Variants in MBD5 observed in about 807,000 individuals in gnomAD.
MBD5 encodes methyl-CpG-binding domain protein 5.
A neutral mutation model predicts 117.3 loss-of-function variants in MBD5; 13 were observed. The observed-to-expected ratio is 0.11, with a 90% CI of 0.07 to 0.18. The LOEUF is 0.18. Ranked by LOEUF, MBD5 falls within the 10% of genes least tolerant of loss-of-function variation. MBD5 has a pLI of 1.00. For missense variants in MBD5, 1,879 were observed against 2,093.8 expected, an observed-to-expected ratio of 0.90 and a Z score of 2.00; for synonymous variants, 727 against 766.4, an observed-to-expected ratio of 0.95 and a Z score of 0.85.
chr2:148,214,900 A>G (rs1699514237), intron 2 of MBD5, among the ~76,000 whole-genome samples: 2 of 152,112 alleles, frequency 1.3e-5, no homozygotes, highest in Admixed American at 1.3e-4. Flanking sequence ...TTAAGAAGTT[A>G]TAATAGCACA....
chr2:148,188,751 G>C (rs992893423), intron 2 of MBD5, among the ~76,000 whole-genome samples: 1 of 151,786 alleles, frequency 6.6e-6, no homozygotes, highest in Admixed American at 6.6e-5. Context: ...GAACAGGGAG[G>C]AGCCAAGATG....
At chr2:148,392,536 G>A (rs891082958) in intron 4 of MBD5, among the ~76,000 whole-genome samples, 2 of 152,162 alleles carry the variant, frequency 1.3e-5, no homozygotes, top group Admixed American at 1.3e-4. Flanking sequence ...GTACACCATA[G>A]CCTGAGTAAG....
At chr2:148,157,501 G>GT (rs1202090248) in intron 1 of MBD5, among the ~76,000 whole-genome samples, 1 of 152,230 alleles carries the variant, frequency 6.6e-6, no homozygotes, top group Admixed American at 6.5e-5. Flanking sequence ...ACCTTGAGCA[G>GT]TGTCTCTCAT....
intron 1 of MBD5, among the ~76,000 whole-genome samples, chr2:148,175,005 T>G (rs1218735457): frequency 2.0e-5 from 3 of 152,182 alleles, no homozygotes; most frequent in Admixed American, 1.3e-4. Context: ...TTCCATGTTC[T>G]CTGCAGAGCT....
In MBD5 at chr2:148,431,943, C is replaced by G. The variant is rs1706000683; in HGVS notation, c.-556-26260C>G. ...TGGAATGGTAATTCTTTTTTAAGCT[C>G]TTTGAGAAATCACCAAACTGCTTTC... On this transcript the variant is annotated intron_variant, in intron 4 of 13. Coordinates refer to ENST00000642680, the MANE Select transcript of MBD5 (RefSeq NM_001378120.1). Among the ~76,000 whole-genome samples, 8 of 152,122 alleles carry G rather than the reference C, an allele frequency of 5.3e-5. No individual in the cohort carries two copies. The South Asian group carries it at 1.7e-3, about 32-fold the overall frequency.
chr2:148,370,257 A>C (rs1177932798), intron 4 of MBD5, among the ~76,000 whole-genome samples: 1 of 152,126 alleles, frequency 6.6e-6, no homozygotes, highest in Non-Finnish European at 1.5e-5. Flanking sequence ...TGCCTGCATC[A>C]TGGTTTTTAA....
intron 1 of MBD5, among the ~76,000 whole-genome samples, chr2:148,098,811 G>A (rs1415969042): frequency 6.6e-6 from 1 of 152,130 alleles, no homozygotes; most frequent in African/African-American, 2.4e-5. Flanking sequence ...AGTGCTTTGG[G>A]AGGTGGAGAC....
rs137863555 is a variant in MBD5, at chr2:148,043,452, CAAATAAAT to C, written c.-925+21796_-925+21803del. Reference sequence around the variant, plus strand: ...TGGGCGACAGAGCGAGACTCCTTCTCAAATAAATAAATAAATAAATAAATAAATAAATA... The same window carrying C: ...TGGGCGACAGAGCGAGACTCCTTCTCAAATAAATAAATAAATAAATAAATA... On this transcript the variant is annotated intron_variant, in intron 1 of 13. Transcript: ENST00000642680. 3.9e-4 allele frequency among the ~76,000 whole-genome samples: 56 copies of C among 142,900 alleles called. No individual in the cohort carries two copies. The Middle Eastern group carries it at 0.011, about 27-fold the overall frequency. 93.7% of individuals were successfully genotyped at this position (142,900 alleles called of 152,430 possible).
At chr2:148,159,771 C>G (rs1270536214) in intron 1 of MBD5, among the ~76,000 whole-genome samples, 1 of 152,138 alleles carries the variant, frequency 6.6e-6, no homozygotes, top group East Asian at 1.9e-4. Context: ...TTTGCAGGTA[C>G]TAACCCTTTC....
chr2:148,068,244 A>G (rs1391392232), intron 1 of MBD5, among the ~76,000 whole-genome samples: 3 of 152,198 alleles, frequency 2.0e-5, no homozygotes, highest in African/African-American at 7.2e-5. Context: ...GAACCACTAC[A>G]TGGAACCTGC....
At chr2:148,447,233 A>AAGAAAGAAAGAAAGAG (rs1706585191) in intron 4 of MBD5, among the ~76,000 whole-genome samples, 2 of 71,786 alleles carry the variant, frequency 2.8e-5, no homozygotes, top group African/African-American at 6.8e-5. Flanking sequence ...GAAAGAAAGA[A>AAGAAAGAAAGAAAGAG]AGGGAAAGGA....
At chr2:148,464,316 C>G (rs919105481) in intron 7 of MBD5, among the ~76,000 whole-genome samples, 1 of 152,054 alleles carries the variant, frequency 6.6e-6, no homozygotes, top group Non-Finnish European at 1.5e-5. Context: ...TGTCGAACAC[C>G]TACTAAACAG....
At chr2:148,231,388 A>C (rs1699982436) in intron 2 of MBD5, among the ~76,000 whole-genome samples, 1 of 152,170 alleles carries the variant, frequency 6.6e-6, no homozygotes, top group Non-Finnish European at 1.5e-5. Context: ...TGTCTCCAGC[A>C]CACCAAACAC....
At chr2:148,089,291 G>C (rs1695877040) in intron 1 of MBD5, among the ~76,000 whole-genome samples, 1 of 151,962 alleles carries the variant, frequency 6.6e-6, no homozygotes, top group South Asian at 2.1e-4. Flanking sequence ...ACACTTGACA[G>C]GTCATCAAGA....
intron 11 of MBD5, 40 bp from the exon 12 acceptor site, chr2:148,502,396 G>C: frequency 6.3e-7 from 1 of 1,584,476 alleles, no homozygotes; most frequent in African/African-American, 1.3e-5. Flanking sequence ...AACAATTACA[G>C]GTCTGGGTAA....
chr2:148,226,348 T>G (rs1699820058), intron 2 of MBD5, among the ~76,000 whole-genome samples: 1 of 152,040 alleles, frequency 6.6e-6, no homozygotes, highest in South Asian at 2.1e-4. Flanking sequence ...CACCTATGAG[T>G]GAGAACATGT....
At chr2:148,451,500 G>A (rs183060133) in intron 4 of MBD5, among the ~76,000 whole-genome samples, 48 of 151,916 alleles carry the variant, frequency 3.2e-4, no homozygotes, top group African/African-American at 1.1e-3. Flanking sequence ...TGATATGAGG[G>A]TGAAAGATAA....
At chr2:148,370,342 A>C (rs187459656) in intron 4 of MBD5, among the ~76,000 whole-genome samples, 9 of 152,156 alleles carry the variant, frequency 5.9e-5, no homozygotes, top group African/African-American at 2.2e-4. Flanking sequence ...CTGATGAGCT[A>C]TCTGGTCTGT....
At chr2:148,194,692 A>G (rs1325721885) in intron 2 of MBD5, among the ~76,000 whole-genome samples, 2 of 130,282 alleles carry the variant, frequency 1.5e-5, no homozygotes, top group Admixed American at 8.2e-5. Flanking sequence ...GCGCACCAGC[A>G]TGGCACATGT....
Sources: allele counts gnomAD v4.1 joint callset (sites outside exome capture counted in the v4.1 genomes callset), GRCh38; gene constraint gnomAD v4.1.1; transcripts MANE v1.5; gene names NCBI Gene and HGNC (gene_info 2026-07-23, HGNC 2026-07-21).